The following SCFD2 variants were observed in gnomAD, a reference collection of about 807,000 sequenced individuals.
The protein encoded by SCFD2 is sec1 family domain containing 2.
Under a neutral mutation model 58.9 loss-of-function variants are expected in SCFD2, and 54 were observed. The ratio of observed to expected loss-of-function variants is 0.92; its 90% CI spans 0.74 to 1.15. The LOEUF is 1.15. Ranked by LOEUF, SCFD2 falls within the 50% of genes most tolerant of loss-of-function variation. The probability of loss-of-function intolerance (pLI) is 0.00; values close to 1 mark genes in which losing one functional copy is unlikely to be tolerated. For synonymous variants in SCFD2, 321 were observed against 335.9 expected (o/e 0.96, Z 0.49); for missense variants, 805 against 836.6 (o/e 0.96, Z 0.47).
intron 5 of SCFD2, among the ~76,000 whole-genome samples, chr4:53,104,438 G>T (rs1278419305): frequency 6.6e-6 from 1 of 152,160 alleles, no homozygotes; most frequent in African/African-American, 2.4e-5. Flanking sequence ...CTAAGAAACT[G>T]CCATAACCAA....
intron 5 of SCFD2, among the ~76,000 whole-genome samples, chr4:53,054,296 T>C (rs1188491197): frequency 2.0e-5 from 3 of 152,232 alleles, no homozygotes; most frequent in Non-Finnish European, 4.4e-5. Flanking sequence ...TGTGTATTTT[T>C]CATATGTCTT....
intron 5 of SCFD2, among the ~76,000 whole-genome samples, chr4:53,009,516 G>T (rs1722050609): frequency 6.6e-6 from 1 of 152,166 alleles, no homozygotes; most frequent in Non-Finnish European, 1.5e-5. Context: ...CACCTTGTAG[G>T]ACAGATGTGC....
intron 5 of SCFD2, among the ~76,000 whole-genome samples, chr4:53,104,545 T>C (rs1170395864): frequency 5.3e-5 from 8 of 152,198 alleles, no homozygotes; most frequent in Admixed American, 5.2e-4. Flanking sequence ...TAAGGAAATC[T>C]TTAAAAAGTC....
chr4:53,018,864 A>T (rs1371278926), intron 5 of SCFD2, among the ~76,000 whole-genome samples: 1 of 152,162 alleles, frequency 6.6e-6, no homozygotes, highest in Non-Finnish European at 1.5e-5. Flanking sequence ...AGCCATAATA[A>T]GGTTTGTTGT....
chr4:53,212,853 G>GTT (rs1006643720), intron 4 of SCFD2, among the ~76,000 whole-genome samples: 1 of 145,800 alleles, frequency 6.9e-6, no homozygotes, highest in Admixed American at 6.9e-5. Context: ...TGATTACACG[G>GTT]TTTTTTTTTT....
At chr4:53,094,002 CTTAG>C (rs1483518809) in intron 5 of SCFD2, among the ~76,000 whole-genome samples, 22 of 152,060 alleles carry the variant, frequency 1.4e-4, no homozygotes, top group African/African-American at 4.8e-4. Flanking sequence ...ATTTATATAC[CTTAG>C]TTAGGAACTG....
At chr4:53,354,898 C>T (rs1734357785) in intron 1 of SCFD2, among the ~76,000 whole-genome samples, 1 of 151,948 alleles carries the variant, frequency 6.6e-6, no homozygotes, top group Admixed American at 6.6e-5. Context: ...AACTCTCCCA[C>T]CTTAGTTTCC....
chr4:52,988,437 TG>T (rs1188525023), intron 5 of SCFD2, among the ~76,000 whole-genome samples: 3 of 152,224 alleles, frequency 2.0e-5, no homozygotes. Flanking sequence ...TCCAATGTCC[TG>T]GTTACACAGC....
intron 2 of SCFD2, among the ~76,000 whole-genome samples, chr4:53,350,579 G>T: frequency 6.6e-6 from 1 of 152,086 alleles, no homozygotes; most frequent in African/African-American, 2.4e-5. Flanking sequence ...TGAAAACATA[G>T]GACTCCCAAA....
intron 4 of SCFD2, among the ~76,000 whole-genome samples, chr4:53,194,131 A>G (rs569154372): frequency 6.6e-6 from 1 of 152,342 alleles, no homozygotes; most frequent in Non-Finnish European, 1.5e-5. Flanking sequence ...GTACATTTAT[A>G]TAACACCTTT....
chr4:52,923,771 A>T (rs536924517), intron 5 of SCFD2, among the ~76,000 whole-genome samples: 6 of 152,296 alleles, frequency 3.9e-5, no homozygotes, highest in African/African-American at 1.4e-4. Flanking sequence ...ACAGGTACAG[A>T]GCATGGATTG....
chr4:53,077,839 G>T lies in SCFD2; in HGVS notation c.1561+67494C>A, dbSNP rs1410694760. Reference sequence around the variant, plus strand: ...GAGTCACAGAACAATTCAGTAACTTGCAGTAGATCACATAAGCTGTTGCTA... The same window carrying T: ...GAGTCACAGAACAATTCAGTAACTTTCAGTAGATCACATAAGCTGTTGCTA... On this transcript the variant is annotated intron_variant, in intron 5 of 8. Coordinates refer to ENST00000401642, the MANE Select transcript of SCFD2 (RefSeq NM_152540.4). Among the ~76,000 whole-genome samples, 5 of 152,098 alleles carry T rather than the reference G, an allele frequency of 3.3e-5. No individual in the cohort carries two copies. The East Asian group carries it at 7.7e-4, about 23-fold the overall frequency.
chr4:53,333,189 A>T (rs1733551187), intron 2 of SCFD2, among the ~76,000 whole-genome samples: 1 of 140,428 alleles, frequency 7.1e-6, no homozygotes, highest in African/African-American at 2.7e-5. Context: ...TAATTTACAG[A>T]TTCAATGCCA....
chr4:53,165,873 T>C (rs1726991499), intron 4 of SCFD2, among the ~76,000 whole-genome samples: 1 of 152,236 alleles, frequency 6.6e-6, no homozygotes, highest in Non-Finnish European at 1.5e-5. Context: ...CTACAAGATA[T>C]GATTTTCTCC....
At chr4:53,246,284 G>A (rs2149030884) in intron 4 of SCFD2, among the ~76,000 whole-genome samples, 1 of 152,240 alleles carries the variant, frequency 6.6e-6, no homozygotes, top group East Asian at 1.9e-4. Flanking sequence ...GCAATGTACA[G>A]ATTCAATGCT....
intron 5 of SCFD2, among the ~76,000 whole-genome samples, chr4:53,077,450 T>G (rs139681766): frequency 0.015 from 2,211 of 152,232 alleles, 20 homozygotes; most frequent in Middle Eastern, 0.034. Context: ...TTATTTATTA[T>G]TTTTTGAGAC....
At chr4:53,139,678 TGCCCG>T (rs1374424892) in intron 5 of SCFD2, among the ~76,000 whole-genome samples, 5 of 152,026 alleles carry the variant, frequency 3.3e-5, no homozygotes, top group African/African-American at 1.2e-4. Flanking sequence ...GGAGCCCCTC[TGCCCG>T]GCCGCCACCC....
chr4:53,338,940 C>T (rs1733775595), intron 2 of SCFD2, among the ~76,000 whole-genome samples: 1 of 151,746 alleles, frequency 6.6e-6, no homozygotes, highest in East Asian at 1.9e-4. Flanking sequence ...ACTCCTATAC[C>T]CAGTGAAAAT....
intron 6 of SCFD2, among the ~76,000 whole-genome samples, chr4:52,910,285 T>C (rs1577819777): frequency 6.6e-6 from 1 of 152,216 alleles, no homozygotes; most frequent in Admixed American, 6.5e-5. Context: ...AATGTAGAAG[T>C]GAAGCCTGGA....
Sources: allele counts gnomAD v4.1 joint callset (sites outside exome capture counted in the v4.1 genomes callset), GRCh38; gene constraint gnomAD v4.1.1; transcripts MANE v1.5; gene names NCBI Gene and HGNC (gene_info 2026-07-23, HGNC 2026-07-21).